Variants in CRYBG3 observed in about 807,000 individuals in gnomAD.
The protein encoded by CRYBG3 is crystallin beta-gamma domain containing 3.
In CRYBG3, 127 loss-of-function variants were observed where a neutral mutation model predicts 244.2. The ratio of observed to expected loss-of-function variants is 0.52; its 90% CI spans 0.45 to 0.60. The LOEUF (loss-of-function observed/expected upper bound fraction) is 0.60. CRYBG3 is among the 20% of genes least tolerant of loss of function. The pLI, the probability that CRYBG3 is intolerant of heterozygous loss-of-function variation, is 0.00. For synonymous variants in CRYBG3, 1,132 were observed against 1,195.8 expected, an observed-to-expected ratio of 0.95 and a Z score of 1.10; for missense variants, 3,325 against 3,442.5, an observed-to-expected ratio of 0.97 and a Z score of 0.85.
chr3:97,872,052 T>C lies in CRYBG3; in HGVS notation c.858T>C (p.Ala286=). The C allele has an allele frequency of 3.3e-6, 5 of 1,535,712 alleles. No individual in the cohort carries two copies. Among genetic ancestry groups the C allele is most frequent in the Non-Finnish European group, 4.4e-6 (5 of 1,146,678 alleles). ...GGGTACTGCCACTGTTGTTATCAGC[T>C]AGTACAGACTCATCTATGAAAGGAA... is the stretch of plus-strand genomic sequence containing the variant. The part of the protein sequence containing the change: ...EAGVLPLLLS[A]STDSSMKGNL... The change falls in exon 4 of 22, where the codon GCT becomes GCC. Residue 286 remains alanine, a synonymous_variant. Transcript: ENST00000389622.
intron 1 of CRYBG3, among the ~76,000 whole-genome samples, chr3:97,840,011 A>T (rs1447907225): frequency 6.6e-6 from 1 of 152,068 alleles, no homozygotes; most frequent in East Asian, 1.9e-4. Context: ...AAGATGAAAA[A>T]CTAGCTGTTA....
chr3:97,828,889 C>G (rs1053546642), intron 1 of CRYBG3, among the ~76,000 whole-genome samples: 1 of 149,880 alleles, frequency 6.7e-6, no homozygotes. Flanking sequence ...TAAGCTACAA[C>G]TAATTGTGTA....
Position 97,872,213 on chromosome 3 carries a change from G to A in CRYBG3, c.1019G>A (p.Ser340Asn), listed in dbSNP as rs775855337. 48 of 1,535,674 alleles carry A rather than the reference G, an allele frequency of 3.1e-5. No homozygotes were observed. The highest frequency in any genetic ancestry group is 8.3e-5 in the South Asian group (7 of 84,040). ...CTTTTAAATAAAAATGCTTGGGGGA[G>A]TATTGAGAGAAATAGGTCATCCCCT... Reference protein sequence around the residue: ...NNLLNKNAWGSIERNRSSPSS... With the variant: ...NNLLNKNAWGNIERNRSSPSS... The change falls in exon 4 of 22, where the codon AGT (serine) becomes AAT (asparagine). Residue 340 changes from serine (S) to asparagine (N), a missense_variant. Physicochemically the swap from Ser to Asn is conservative, Grantham distance 46. Coordinates refer to ENST00000389622, the MANE Select transcript of CRYBG3 (RefSeq NM_153605.4).
chr3:97,840,410 GATGT>G (rs893765669), intron 1 of CRYBG3, among the ~76,000 whole-genome samples: 4 of 152,182 alleles, frequency 2.6e-5, no homozygotes, highest in African/African-American at 9.6e-5. Flanking sequence ...CAACTTAAAG[GATGT>G]AAGTGAGAAT....
At chr3:97,849,111 G>A (rs906745933) in intron 2 of CRYBG3, among the ~76,000 whole-genome samples, 28 of 152,178 alleles carry the variant, frequency 1.8e-4, no homozygotes, top group African/African-American at 6.3e-4. Flanking sequence ...CTGAATCCTG[G>A]TTTATTGATC....
chr3:97,895,596 G>A (rs2039630745), intron 11 of CRYBG3, among the ~76,000 whole-genome samples: 1 of 152,086 alleles, frequency 6.6e-6, no homozygotes, highest in South Asian at 2.1e-4. Flanking sequence ...ACTATCTTTG[G>A]ATCTCTATGT....
chr3:97,843,184 T>C lies in CRYBG3; in HGVS notation c.150-11T>C. ...TTAATTTCAAAAGAAACTGTGGTTT[T>C]TATTTTTCAGTGTTGAAAATGAGCC... On this transcript the variant is annotated splice_polypyrimidine_tract_variant and intron_variant, in intron 1 of 21. Coordinates refer to ENST00000389622, the MANE Select transcript of CRYBG3 (RefSeq NM_153605.4). 1 of 1,488,204 alleles carries C rather than the reference T, an allele frequency of 6.7e-7. No individual in the cohort carries two copies. Among genetic ancestry groups the C allele is most frequent in the African/African-American group, 1.4e-5 (1 of 70,804 alleles). 92.2% of individuals were successfully genotyped at this position (1,488,204 alleles called of 1,614,324 possible).
chr3:97,848,987 A>G (rs2038945185), intron 2 of CRYBG3, among the ~76,000 whole-genome samples: 1 of 152,212 alleles, frequency 6.6e-6, no homozygotes, highest in Non-Finnish European at 1.5e-5. Flanking sequence ...CAGTTTTGAA[A>G]TTACATGTGT....
Position 97,843,207 on chromosome 3 carries a change from G to C in CRYBG3, c.162G>C (p.Glu54Asp), listed in dbSNP as rs951192045. 3 of 1,518,590 alleles carry C rather than the reference G, an allele frequency of 2.0e-6. No homozygotes were observed. The African/African-American group carries it at 4.1e-5, about 21-fold the overall frequency. 94.1% of individuals were successfully genotyped at this position (1,518,590 alleles called of 1,614,324 possible). ...TTTTATTTTTCAGTGTTGAAAATGA[G>C]CCCATGAGCACAAGTCAGAAAAAGG... is the stretch of plus-strand genomic sequence containing the variant. ...PGRSAASVEN[E>D]PMSTSQKKEN... The change falls in exon 2 of 22, where the codon GAG becomes GAC. Residue 54 changes from glutamate to aspartate, a missense_variant. Coordinates refer to ENST00000389622, the MANE Select transcript of CRYBG3 (RefSeq NM_153605.4).
At position 97,933,727 on chromosome 3, in the gene CRYBG3, C is replaced by A. The variant is rs770422571; in HGVS notation, c.8275C>A (p.Leu2759Met). Reference protein sequence around the residue: ...FEEPSISLFALEHCEGRELHL... With the variant: ...FEEPSISLFAMEHCEGRELHL... ...AGAACCCTCCATCAGCCTTTTTGCT[C>A]TGGAGCATTGTGAGGGAAGAGAGTT... The change falls in exon 18 of 22, where the codon CTG (leucine) becomes ATG (methionine). Residue 2759 changes from leucine to methionine, a missense_variant. Leu to Met is a conservative substitution (Grantham distance 15). Around this residue, in one of 4 missense-constraint regions of CRYBG3, gnomAD observed 714 missense variants for 803.6 expected, o/e 0.89. Transcript: ENST00000389622. 3.7e-6 allele frequency: 6 copies of A among 1,612,986 alleles called. No individual in the cohort carries two copies. Among genetic ancestry groups the A allele is most frequent in the Non-Finnish European group, 5.1e-6 (6 of 1,179,314 alleles).
Position 97,874,574 on chromosome 3 carries a change from A to C in CRYBG3, c.3380A>C (p.Glu1127Ala). Residue 1127 changes from glutamate (E) to alanine (A), a missense_variant, in exon 4 of 22, where the codon GAA (glutamate) becomes GCA (alanine). This residue lies in a region of CRYBG3 where 1,526 missense variants were observed against 1,443.2 expected (regional missense o/e 1.06). Coordinates refer to ENST00000389622, the MANE Select transcript of CRYBG3 (RefSeq NM_153605.4). ...GGGACAGAAGTAACCCCATTTCAGG[A>C]ACATTTTGGGATTTATACTGGGAAG... ...SIGTEVTPFQEHFGIYTGKIS... is the reference protein window; with the variant it reads ...SIGTEVTPFQAHFGIYTGKIS... The C allele has an allele frequency of 6.5e-7, 1 of 1,535,988 alleles. No homozygotes were observed. The highest frequency in any genetic ancestry group is 8.7e-7 in the Non-Finnish European group (1 of 1,146,838).
In CRYBG3 at chr3:97,874,611, T is replaced by C; in HGVS notation, c.3417T>C (p.Asp1139=). ...FGIYTGKISI[D]FPTAAQFDNL... is the part of the protein sequence containing the mutation. ...TTTATACTGGGAAGATATCCATTGATTTCCCAACTGCTGCCCAATTTGACA... is the reference window on the plus strand; with the variant it reads ...TTTATACTGGGAAGATATCCATTGACTTCCCAACTGCTGCCCAATTTGACA... Residue 1139 remains aspartate, a synonymous_variant, in exon 4 of 22, where the codon GAT becomes GAC. Transcript: ENST00000389622. 2 of 1,536,052 alleles carry C rather than the reference T, an allele frequency of 1.3e-6. No homozygotes were observed. The highest frequency in any genetic ancestry group is 1.7e-6 in the Non-Finnish European group (2 of 1,146,856).
rs1302697611 is a variant in CRYBG3 at position 97,876,519 on chromosome 3, G to C, written c.5325G>C (p.Gly1775=). The change falls in exon 4 of 22, where the codon GGG becomes GGC. Residue 1775 remains glycine (G), a synonymous_variant. Transcript: ENST00000389622. ...TYQKNAKGFT[G]NTEGSVLKME... ...AAAAAAATGCCAAAGGTTTTACCGG[G>C]AACACTGAAGGGTCTGTGTTGAAAA... 2.4e-6 allele frequency: 3 copies of C among 1,232,054 alleles called. No individual in the cohort carries two copies. Among genetic ancestry groups the C allele is most frequent in the Admixed American group, 4.2e-5 (1 of 23,702 alleles). 76.3% of individuals were successfully genotyped at this position (1,232,054 alleles called of 1,614,324 possible).
chr3:97,892,866 A>G lies in CRYBG3; in HGVS notation c.7447A>G (p.Ile2483Val). Residue 2483 changes from isoleucine (I) to valine (V), a missense_variant, in exon 11 of 22, where the codon ATT (isoleucine) becomes GTT (valine). Around this residue, in one of 4 missense-constraint regions of CRYBG3, gnomAD observed 714 missense variants for 803.6 expected, o/e 0.89. Transcript: ENST00000389622. ...VEMPMNLKVIIYEKPHFHGQA... is the reference protein window; with the variant it reads ...VEMPMNLKVIVYEKPHFHGQA... ...ATGTTAAATAATTTTTCAGGTTATT[A>G]TTTATGAAAAACCTCACTTCCATGG... 6.8e-7 allele frequency: 1 copy of G among 1,469,220 alleles called. No individual in the cohort carries two copies. The highest frequency in any genetic ancestry group is 9.3e-7 in the Non-Finnish European group (1 of 1,079,230). 91.0% of individuals were successfully genotyped at this position (1,469,220 alleles called of 1,614,324 possible). A position where few individuals can be genotyped will look rare whatever the true frequency, so the allele number is the denominator to read the frequency against.
Position 97,873,797 on chromosome 3 carries a change from A to G in CRYBG3, c.2603A>G (p.Glu868Gly). 6.5e-7 allele frequency: 1 copy of G among 1,532,844 alleles called. No individual in the cohort carries two copies. Among genetic ancestry groups the G allele is most frequent in the East Asian group, 2.4e-5 (1 of 40,894 alleles). 95.0% of individuals were successfully genotyped at this position (1,532,844 alleles called of 1,614,324 possible). A position where few individuals can be genotyped will look rare whatever the true frequency, so the allele number is the denominator to read the frequency against. Residue 868 changes from glutamate (E) to glycine (G), a missense_variant, in exon 4 of 22, where the codon GAA becomes GGA. By Grantham distance (98) the Glu-to-Gly change is moderately conservative (BLOSUM62 -2). Around this residue, in one of 4 missense-constraint regions of CRYBG3, gnomAD observed 1,526 missense variants for 1,443.2 expected, o/e 1.06. Coordinates refer to ENST00000389622, the MANE Select transcript of CRYBG3 (RefSeq NM_153605.4). ...CCATTGAAAATTACCCATGTTCCAG[A>G]AAAGCCTATTTTGTCAGAATTAACC... Reference protein sequence around the residue: ...SFPLKITHVPEKPILSELTFL... With the variant: ...SFPLKITHVPGKPILSELTFL...
chr3:97,924,473 CT>C, intron 17 of CRYBG3: 1 of 431,966 alleles, frequency 2.3e-6, no homozygotes, highest in Non-Finnish European at 4.6e-6. Context: ...AACTTAGTAG[CT>C]TAAGATGACA....
intron 9 of CRYBG3, among the ~76,000 whole-genome samples, 155 bp downstream of exon 9, chr3:97,888,610 G>C (rs1445078441): frequency 6.6e-6 from 1 of 152,174 alleles, no homozygotes; most frequent in Non-Finnish European, 1.5e-5. Flanking sequence ...AGTATTTACA[G>C]TATTTCTTTT....
In CRYBG3 at chr3:97,872,042, T is replaced by G; in HGVS notation, c.848T>G (p.Leu283Trp). Residue 283 changes from leucine (L) to tryptophan (W), a missense_variant, in exon 4 of 22, where the codon TTG becomes TGG. Transcript: ENST00000389622. Reference protein sequence around the residue: ...SEIEAGVLPLLLSASTDSSMK... With the variant: ...SEIEAGVLPLWLSASTDSSMK... ...ATTGAGGCTGGGGTACTGCCACTGT[T>G]GTTATCAGCTAGTACAGACTCATCT... 6.5e-7 allele frequency: 1 copy of G among 1,535,822 alleles called. No individual in the cohort carries two copies. Among genetic ancestry groups the G allele is most frequent in the Non-Finnish European group, 8.7e-7 (1 of 1,146,722 alleles).
At chr3:97,941,050 T>C (rs2040222638) in intron 19 of CRYBG3, 98 bp from the exon 20 acceptor site, 7 of 911,584 alleles carry the variant, frequency 7.7e-6, no homozygotes, top group Non-Finnish European at 1.2e-5. Flanking sequence ...ATAACTAAGA[T>C]AGTTACCTCT....
Sources: allele counts gnomAD v4.1 joint callset (sites outside exome capture counted in the v4.1 genomes callset), GRCh38; gene constraint gnomAD v4.1.1; regional missense constraint gnomAD v4.1.1; transcripts MANE v1.5; gene names NCBI Gene and HGNC (gene_info 2026-07-23, HGNC 2026-07-21).